Variants in RYR2 observed in about 807,000 individuals in gnomAD.
RYR2 encodes the protein cardiac muscle ryanodine receptor-calcium release channel.
In RYR2, 227 loss-of-function variants were observed where a neutral mutation model predicts 601.1. That is an observed-to-expected ratio of 0.38 (90% CI 0.34 to 0.42). The LOEUF (loss-of-function observed/expected upper bound fraction) is 0.42, where lower values mean the gene tolerates loss of function less well. Among genes scored for constraint, RYR2 ranks in the 10% least tolerant of loss-of-function variants. The pLI, the probability that RYR2 is intolerant of heterozygous loss-of-function variation, is 1.00. For synonymous variants in RYR2, 2,223 were observed against 2,175.1 expected, an observed-to-expected ratio of 1.02 and a Z score of -0.61; for missense variants, 4,646 against 6,156.5, an observed-to-expected ratio of 0.75 and a Z score of 8.21.
Position 237,759,757 on chromosome 1 carries a change from G to T in RYR2, c.11326-19G>T, listed in dbSNP as rs1215669003. 1.3e-6 allele frequency: 2 copies of T among 1,535,378 alleles called. No individual in the cohort carries two copies. The highest frequency in any genetic ancestry group is 9.0e-7 in the Non-Finnish European group (1 of 1,108,612). Reference sequence around the variant, plus strand: ...AAGATTTTTGTTCAGTGGCCACGTGGTTTCTATAATTCCCATAGAAAATGC... The same window carrying T: ...AAGATTTTTGTTCAGTGGCCACGTGTTTTCTATAATTCCCATAGAAAATGC... On this transcript the variant is annotated intron_variant, in intron 82 of 104. Coordinates refer to ENST00000366574, the MANE Select transcript of RYR2 (RefSeq NM_001035.3).
intron 82 of RYR2, among the ~76,000 whole-genome samples, chr1:237,757,994 G>A (rs1024061141): frequency 2.0e-5 from 3 of 152,150 alleles, no homozygotes; most frequent in Non-Finnish European, 4.4e-5. Context: ...AAAACATCAA[G>A]TGTGACCTTT....
At chr1:237,655,145 G>A (rs1177631636) in intron 52 of RYR2, among the ~76,000 whole-genome samples, 1 of 151,872 alleles carries the variant, frequency 6.6e-6, no homozygotes, top group Non-Finnish European at 1.5e-5. Flanking sequence ...AATTTCCTTT[G>A]GTAAACTGAG....
At chr1:237,137,705 T>C (rs972479596) in intron 1 of RYR2, among the ~76,000 whole-genome samples, 3 of 152,370 alleles carry the variant, frequency 2.0e-5, no homozygotes, top group Admixed American at 6.5e-5. Flanking sequence ...TTCTACTCTT[T>C]ATTTGTCATC....
At chr1:237,443,956 G>T (rs1258759236) in intron 13 of RYR2, among the ~76,000 whole-genome samples, 1 of 152,088 alleles carries the variant, frequency 6.6e-6, no homozygotes, top group Non-Finnish European at 1.5e-5. Context: ...CTTTTCTAAA[G>T]AAACTGGTCA....
chr1:237,218,637 T>C (rs368810082), intron 1 of RYR2, among the ~76,000 whole-genome samples: 2 of 152,146 alleles, frequency 1.3e-5, no homozygotes, highest in African/African-American at 4.8e-5. Flanking sequence ...CATGGGGAAT[T>C]TGGCATTTGA....
intron 20 of RYR2, 84 bp from the exon 21 acceptor site, chr1:237,500,627 T>C (rs1486796156): frequency 3.3e-6 from 4 of 1,206,768 alleles, no homozygotes; most frequent in Non-Finnish European, 4.7e-6. Context: ...TCACTACTTA[T>C]TCAAATCTTT....
intron 28 of RYR2, among the ~76,000 whole-genome samples, chr1:237,567,754 A>G (rs375033970): frequency 1.3e-5 from 2 of 151,696 alleles, no homozygotes; most frequent in Admixed American, 6.6e-5. Flanking sequence ...AGGGGGAAAA[A>G]GCTACTTTTT....
chr1:237,638,867 C>A, intron 45 of RYR2, 148 bp from the exon 46 acceptor site: 1 of 969,140 alleles, frequency 1.0e-6, no homozygotes, highest in Non-Finnish European at 1.5e-6. Context: ...ATACTTAATG[C>A]TAGCAATTAG....
chr1:237,606,637 C>T (rs1677159284), intron 35 of RYR2, among the ~76,000 whole-genome samples: 1 of 152,164 alleles, frequency 6.6e-6, no homozygotes, highest in Non-Finnish European at 1.5e-5. Flanking sequence ...AGGAAACCTA[C>T]AGAATGGGAG....
chr1:237,435,274 A>G (rs1217838101), intron 12 of RYR2, among the ~76,000 whole-genome samples: 1 of 152,204 alleles, frequency 6.6e-6, no homozygotes, highest in Non-Finnish European at 1.5e-5. Flanking sequence ...ACACAACTGT[A>G]TGGAGTTAAG....
chr1:237,637,196 A>G (rs1680965544), intron 44 of RYR2, among the ~76,000 whole-genome samples: 1 of 152,220 alleles, frequency 6.6e-6, no homozygotes, highest in South Asian at 2.1e-4. Context: ...TTGCTTCACT[A>G]TAGTTGATAT....
chr1:237,547,167 T>G (rs2779382), intron 25 of RYR2, among the ~76,000 whole-genome samples: 85,831 of 150,864 alleles, frequency 0.57, 26,492 homozygotes, highest in East Asian at 0.74. Context: ...CACCACACCT[T>G]GCTAATCATT....
At chr1:237,585,979 G>A (rs1674479049) in intron 29 of RYR2, among the ~76,000 whole-genome samples, 1 of 152,120 alleles carries the variant, frequency 6.6e-6, no homozygotes, top group Non-Finnish European at 1.5e-5. Flanking sequence ...AGAAAAAATT[G>A]ACTTTTAATA....
At chr1:237,240,695 G>C (rs2149231821) in intron 1 of RYR2, among the ~76,000 whole-genome samples, 1 of 137,472 alleles carries the variant, frequency 7.3e-6, no homozygotes, top group East Asian at 2.2e-4. Context: ...AAAAACAGTG[G>C]GTCAGACATA....
intron 38 of RYR2, among the ~76,000 whole-genome samples, chr1:237,618,889 T>TCAG (rs1678780850): frequency 1.3e-5 from 2 of 152,276 alleles, no homozygotes; most frequent in South Asian, 4.1e-4. Context: ...CACTCTTACC[T>TCAG]TTCTAGCAAG....
chr1:237,300,321 C>G (rs944068562), intron 2 of RYR2, among the ~76,000 whole-genome samples: 2 of 152,122 alleles, frequency 1.3e-5, no homozygotes, highest in African/African-American at 4.8e-5. Flanking sequence ...AGTTGGGAAT[C>G]TAGTTGATTC....
At chr1:237,044,689 C>G (rs1038765484) in intron 1 of RYR2, among the ~76,000 whole-genome samples, 2 of 150,230 alleles carry the variant, frequency 1.3e-5, no homozygotes. Context: ...GGAAAACATG[C>G]CTTTCCTCAC....
intron 14 of RYR2, among the ~76,000 whole-genome samples, chr1:237,450,117 T>G (rs1051048018): frequency 9.9e-5 from 15 of 152,036 alleles, no homozygotes; most frequent in African/African-American, 3.6e-4. Flanking sequence ...CTGTTTTAGG[T>G]TCTGTGTGAG....
chr1:237,771,297 T>A (rs1021784086), intron 85 of RYR2, among the ~76,000 whole-genome samples: 1 of 151,604 alleles, frequency 6.6e-6, no homozygotes, highest in Admixed American at 6.6e-5. Flanking sequence ...CATAGTCCCA[T>A]CTACTTGGGA....
Sources: gnomAD v4.1 joint callset for allele counts (sites outside exome capture counted in the v4.1 genomes callset) on GRCh38, gnomAD v4.1.1 for gene constraint, MANE v1.5 for transcripts, NCBI Gene and HGNC (gene_info 2026-07-23, HGNC 2026-07-21) for gene names.